The following VDR variants were observed in gnomAD, a reference collection of about 807,000 sequenced individuals.
VDR encodes the protein vitamin D3 receptor.
In VDR, 19 loss-of-function variants were observed where a neutral mutation model predicts 39.7. The observed-to-expected ratio is 0.48, with a 90% CI of 0.33 to 0.70. The LOEUF is 0.70. Ranked by LOEUF, VDR falls within the 30% of genes least tolerant of loss-of-function variation. The pLI is 0.02. For synonymous variants in VDR, 242 were observed against 215.8 expected (o/e 1.12, Z -1.07); for missense variants, 442 against 570.5 (o/e 0.77, Z 2.29).
rs1427534934 is a variant in VDR at position 47,879,074 on chromosome 12, C to T, written c.40G>A (p.Gly14Arg). 1.9e-6 allele frequency: 3 copies of T among 1,614,076 alleles called. No individual in the cohort carries two copies. Among genetic ancestry groups the T allele is most frequent in the Non-Finnish European group, 2.5e-6 (3 of 1,180,042 alleles). The change falls in exon 3 of 10, where the codon GGA (glycine) becomes AGA (arginine). Residue 14 changes from glycine (G) to arginine (R), a missense_variant. Transcript: ENST00000549336. The part of the protein sequence containing the change: ...MAASTSLPDP[G>R]DFDRNVPRIC... ...CGGGGCACGTTCCGGTCAAAGTCTC[C>T]AGGGTCAGGCAGGGAAGTGCTGGCC...
intron 6 of VDR, 104 bp from the exon 7 acceptor site, chr12:47,855,905 G>T: frequency 7.2e-7 from 1 of 1,393,510 alleles, no homozygotes. Flanking sequence ...AGCAGAGCCA[G>T]CTGGGAATCC....
chr12:47,882,548 ACT>A (rs1946171844), intron 2 of VDR, 144 bp downstream of exon 2: 5 of 675,010 alleles, frequency 7.4e-6, no homozygotes, highest in Non-Finnish European at 1.3e-5. Flanking sequence ...TCAGTTGCAG[ACT>A]CTGCTGGCCC....
chr12:47,892,735 C>G (rs573546667), intron 1 of VDR, among the ~76,000 whole-genome samples: 80 of 152,200 alleles, frequency 5.3e-4, no homozygotes, highest in African/African-American at 1.8e-3. Flanking sequence ...GGATGGGGGA[C>G]AAACAGGAAC....
chr12:47,859,115 A>G (rs1478822333), intron 4 of VDR, among the ~76,000 whole-genome samples: 8 of 152,194 alleles, frequency 5.3e-5, no homozygotes, highest in Non-Finnish European at 8.8e-5. Context: ...GGGAGCATCC[A>G]GGGAAGGCAA....
chr12:47,867,417 G>A (rs1306500874), intron 3 of VDR, among the ~76,000 whole-genome samples: 1 of 152,138 alleles, frequency 6.6e-6, no homozygotes, highest in Non-Finnish European at 1.5e-5. Context: ...AGTTGTGTGT[G>A]TGTGTGTGTG....
chr12:47,863,264 G>A lies in VDR; in HGVS notation c.277+1783C>T, dbSNP rs528692900. On this transcript the variant is annotated intron_variant, in intron 4 of 9. Coordinates refer to ENST00000549336, the MANE Select transcript of VDR (RefSeq NM_000376.3). The stretch of plus-strand genomic sequence containing the variant: ...GCCACCAACTTGCTTTCTGACCCCA[G>A]ACCTGAGGTCTTTACCTCTCTGAGT... Among the ~76,000 whole-genome samples, 6 of 152,324 alleles carry A rather than the reference G, an allele frequency of 3.9e-5. 1 individual carries two copies. Among genetic ancestry groups the A allele is most frequent in the African/African-American group, 1.4e-4 (6 of 41,570 alleles).
At chr12:47,900,452 C>T (rs919714886) in intron 1 of VDR, among the ~76,000 whole-genome samples, 1 of 152,186 alleles carries the variant, frequency 6.6e-6, no homozygotes, top group African/African-American at 2.4e-5. Context: ...TTCTGCAAAC[C>T]TGAGAGGGAG....
At chr12:47,890,377 T>TTATA (rs60534556) in intron 1 of VDR, among the ~76,000 whole-genome samples, 46 of 141,904 alleles carry the variant, frequency 3.2e-4, no homozygotes, top group Admixed American at 7.7e-4. Context: ...AATATATATT[T>TTATA]TATATATATA....
chr12:47,900,805 A>G (rs1211464073), intron 1 of VDR, among the ~76,000 whole-genome samples: 1 of 152,096 alleles, frequency 6.6e-6, no homozygotes, highest in Non-Finnish European at 1.5e-5. Flanking sequence ...GCTTCTCAGG[A>G]ACCAACTGCC....
chr12:47,865,379 C>T (rs1335555816), intron 3 of VDR, among the ~76,000 whole-genome samples: 1 of 152,210 alleles, frequency 6.6e-6, no homozygotes, highest in African/African-American at 2.4e-5. Flanking sequence ...TGCCCAGCTC[C>T]AATCATGGCT....
chr12:47,855,478 C>T (rs1375609315), intron 7 of VDR, 152 bp downstream of exon 7: 6 of 860,100 alleles, frequency 7.0e-6, no homozygotes, highest in Non-Finnish European at 8.8e-6. Context: ...CGAGATCGCG[C>T]CACTGCACTC....
At chr12:47,863,321 GAC>G (rs1189685495) in intron 4 of VDR, among the ~76,000 whole-genome samples, 1 of 152,236 alleles carries the variant, frequency 6.6e-6, no homozygotes, top group Middle Eastern at 3.2e-3. Context: ...AAGTCAGTAA[GAC>G]ATCCTCTTCC....
chr12:47,882,923 A>C (rs1208459687), intron 1 of VDR, 149 bp from the exon 2 acceptor site: 3 of 597,828 alleles, frequency 5.0e-6, no homozygotes, highest in Non-Finnish European at 8.5e-6. Flanking sequence ...GGGAGCAGGC[A>C]TGCCATGTCA....
At chr12:47,851,552 C>T (rs932926010) in intron 7 of VDR, among the ~76,000 whole-genome samples, 1 of 152,208 alleles carries the variant, frequency 6.6e-6, no homozygotes, top group Non-Finnish European at 1.5e-5. Context: ...AGATCAAAGC[C>T]ACCAGGGATG....
intron 3 of VDR, among the ~76,000 whole-genome samples, chr12:47,866,026 CTT>C (rs1945727479): frequency 6.6e-6 from 1 of 150,728 alleles, no homozygotes; most frequent in Non-Finnish European, 1.5e-5. Flanking sequence ...CGCCCCGACT[CTT>C]ATACTTATTT....
In VDR at chr12:47,885,286, C is replaced by T. The variant is rs549625678; in HGVS notation, c.-83-2512G>A. On this transcript the variant is annotated intron_variant, in intron 1 of 9. Coordinates refer to ENST00000549336, the MANE Select transcript of VDR (RefSeq NM_000376.3). ...ATCCCACATCAAAAACCCTGCCTGA[C>T]CCTGACCCCAGTGCTGACCTTGCCT... Among the ~76,000 whole-genome samples, 13 of 152,350 alleles carry T rather than the reference C, an allele frequency of 8.5e-5. No individual in the cohort carries two copies. In the South Asian group the frequency reaches 2.7e-3, roughly 32 times the overall value.
chr12:47,898,982 T>C (rs1318374508), intron 1 of VDR, among the ~76,000 whole-genome samples: 16 of 152,176 alleles, frequency 1.1e-4, no homozygotes, highest in Admixed American at 1.0e-3. Flanking sequence ...ACTTAGGTGG[T>C]AGGTACAGGG....
At chr12:47,895,680 C>A (rs566074584) in intron 1 of VDR, among the ~76,000 whole-genome samples, 2 of 152,278 alleles carry the variant, frequency 1.3e-5, no homozygotes, top group Admixed American at 6.5e-5. Context: ...GTTTGCCACC[C>A]GTCCTTCCCC....
chr12:47,878,965 C>T lies in VDR; in HGVS notation c.146+3G>A, dbSNP rs753959411. 2.5e-6 allele frequency: 4 copies of T among 1,614,208 alleles called. No homozygotes were observed. The highest frequency in any genetic ancestry group is 2.2e-5 in the South Asian group (2 of 91,088). ...CTGGGGAGAGCCTGGGAGGAGGGCT[C>T]ACCTGAAGAAGCCTTTGCAGCCTTC... On this transcript the variant is annotated splice_donor_region_variant and intron_variant, in intron 3 of 9. Transcript: ENST00000549336.
Sources: allele counts gnomAD v4.1 joint callset (sites outside exome capture counted in the v4.1 genomes callset), GRCh38; gene constraint gnomAD v4.1.1; transcripts MANE v1.5; gene names NCBI Gene and HGNC (gene_info 2026-07-23, HGNC 2026-07-21).